Variants in MTMR2 observed in about 807,000 individuals in gnomAD.
MTMR2 encodes the protein phosphatidylinositol-3,5-bisphosphate 3-phosphatase MTMR2.
Under a neutral mutation model 86.9 loss-of-function variants are expected in MTMR2, and 55 were observed. That is an observed-to-expected ratio of 0.63 (90% CI 0.51 to 0.79). The LOEUF (loss-of-function observed/expected upper bound fraction) is 0.79, where lower values mean the gene tolerates loss of function less well. Ranked by LOEUF, MTMR2 falls within the 30% of genes least tolerant of loss-of-function variation. The pLI is 0.00. For synonymous variants in MTMR2, 241 were observed against 266.8 expected (o/e 0.90, Z 0.94); for missense variants, 659 against 772.3 (o/e 0.85, Z 1.74).
At chr11:95,905,328 T>TGG (rs1866218607) in intron 1 of MTMR2, among the ~76,000 whole-genome samples, 1 of 47,796 alleles carries the variant, frequency 2.1e-5, no homozygotes, top group East Asian at 6.4e-4. Context: ...CGCACGCACC[T>TGG]GCGCACACAC....
At position 95,845,118 on chromosome 11, in the gene MTMR2, C is replaced by G. The variant is rs972571750; in HGVS notation, c.1221G>C (p.Glu407Asp). 3 of 1,613,844 alleles carry G rather than the reference C, an allele frequency of 1.9e-6. No individual in the cohort carries two copies. In the African/African-American group the frequency reaches 4.0e-5, roughly 22 times the overall value. ...AGALRIADKV[E>D]SGKTSVVVHC... ...GCACTACCACAGACGTCTTCCCTGA[C>G]TCTACCTTGTCAGCAATCCTAAGAG... The change falls in exon 11 of 15, where the codon GAG becomes GAC. Residue 407 changes from glutamate to aspartate, a missense_variant. Physicochemically the swap from Glu to Asp is conservative, Grantham distance 45. Coordinates refer to ENST00000346299, the MANE Select transcript of MTMR2 (RefSeq NM_016156.6).
intron 2 of MTMR2, among the ~76,000 whole-genome samples, chr11:95,874,831 A>T (rs1416365093): frequency 1.3e-5 from 2 of 151,964 alleles, no homozygotes; most frequent in African/African-American, 2.4e-5. Flanking sequence ...TCTGTAAAGG[A>T]TTTTATTTCT....
At chr11:95,872,801 G>T (rs1287943648) in intron 2 of MTMR2, among the ~76,000 whole-genome samples, 1 of 152,020 alleles carries the variant, frequency 6.6e-6, no homozygotes, top group Non-Finnish European at 1.5e-5. Context: ...AATACCTAAT[G>T]TATTGAGAGT....
At chr11:95,842,842 TA>T (rs907639499) in intron 11 of MTMR2, among the ~76,000 whole-genome samples, 3 of 152,070 alleles carry the variant, frequency 2.0e-5, no homozygotes, top group Admixed American at 1.3e-4. Context: ...ACAGTTAAAT[TA>T]AAGAAAAAAA....
chr11:95,846,666 C>G (rs538144691), intron 10 of MTMR2, among the ~76,000 whole-genome samples: 3 of 152,218 alleles, frequency 2.0e-5, no homozygotes, highest in Non-Finnish European at 4.4e-5. Flanking sequence ...TTATAGCCAG[C>G]CTTTTAGAGA....
At chr11:95,881,123 T>A (rs569581388) in intron 2 of MTMR2, among the ~76,000 whole-genome samples, 1 of 151,596 alleles carries the variant, frequency 6.6e-6, no homozygotes, top group South Asian at 2.1e-4. Flanking sequence ...AGTTAGAAAT[T>A]CAACCTTTTT....
rs1204046416 is a variant in MTMR2, at chr11:95,849,763, A to G, written c.904T>C (p.Tyr302His). 1.2e-6 allele frequency: 2 copies of G among 1,613,908 alleles called. No individual in the cohort carries two copies. Among genetic ancestry groups the G allele is most frequent in the Non-Finnish European group, 1.7e-6 (2 of 1,179,966 alleles). ...TTGGAATCCATGATAGCTTGAAGGT[A>G]TTTTTCATCTTCTTTGCTTCGCTTT... Reference protein sequence around the residue: ...SGKRSKEDEKYLQAIMDSNAQ... With the variant: ...SGKRSKEDEKHLQAIMDSNAQ... Residue 302 changes from tyrosine (Y) to histidine (H), a missense_variant, in exon 9 of 15, where the codon TAC becomes CAC. By Grantham distance (83) the Tyr-to-His change is moderately conservative (BLOSUM62 2). Around this residue, in one of 3 missense-constraint regions of MTMR2, gnomAD observed 387 missense variants for 526.3 expected, o/e 0.74. Transcript: ENST00000346299.
chr11:95,891,713 T>C (rs1865720330), intron 1 of MTMR2, among the ~76,000 whole-genome samples: 1 of 152,186 alleles, frequency 6.6e-6, no homozygotes, highest in Non-Finnish European at 1.5e-5. Flanking sequence ...TATTTCTGTA[T>C]AACCAGTCTA....
intron 7 of MTMR2, among the ~76,000 whole-genome samples, chr11:95,856,808 T>C (rs1382304810): frequency 1.3e-5 from 2 of 152,156 alleles, no homozygotes; most frequent in East Asian, 1.9e-4. Flanking sequence ...CAAAGAGTAG[T>C]CCTCATTTTT....
intron 1 of MTMR2, among the ~76,000 whole-genome samples, chr11:95,899,816 G>A (rs1453896897): frequency 6.6e-6 from 1 of 152,060 alleles, no homozygotes; most frequent in African/African-American, 2.4e-5. Flanking sequence ...AGATCATTTG[G>A]GGAAACCTAT....
rs1224393213 is a variant in MTMR2 at position 95,835,012 on chromosome 11, A to AGAAACTTGTTCCCACTGTG, written c.*259_*277dup. On this transcript the variant is annotated 3_prime_UTR_variant, in exon 15 of 15. Coordinates refer to ENST00000346299, the MANE Select transcript of MTMR2 (RefSeq NM_016156.6). Reference sequence around the variant, plus strand: ...TTTGTAACAGCATTTGCCTTTTAATAGAAACTTGTTCCCACTGTGAATCCA... The same window carrying AGAAACTTGTTCCCACTGTG: ...TTTGTAACAGCATTTGCCTTTTAATAGAAACTTGTTCCCACTGTGGAAACTTGTTCCCACTGTGAATCCA... 7.0e-5 allele frequency: 29 copies of AGAAACTTGTTCCCACTGTG among 411,674 alleles called. No individual in the cohort carries two copies. Among genetic ancestry groups the AGAAACTTGTTCCCACTGTG allele is most frequent in the Non-Finnish European group, 1.0e-4 (23 of 222,160 alleles). The allele number at this position is 411,674 out of a possible 1,614,324, so 25.5% of individuals were successfully genotyped here.
At chr11:95,839,879 A>G (rs1863464715) in intron 12 of MTMR2, 1 of 152,200 alleles carries the variant, frequency 6.6e-6, no homozygotes, top group African/African-American at 2.4e-5. Flanking sequence ...AGATGGCTAC[A>G]AAGTATTTTA....
intron 1 of MTMR2, among the ~76,000 whole-genome samples, chr11:95,889,750 A>G (rs1310771227): frequency 1.3e-5 from 2 of 152,226 alleles, no homozygotes; most frequent in African/African-American, 4.8e-5. Context: ...CTGTGACAAT[A>G]TGCCACAAAT....
intron 2 of MTMR2, among the ~76,000 whole-genome samples, chr11:95,875,918 A>G (rs1865092231): frequency 6.6e-6 from 1 of 152,138 alleles, no homozygotes; most frequent in South Asian, 2.1e-4. Flanking sequence ...AACAGTAGAT[A>G]TTGGTGAACA....
At chr11:95,864,797 T>G (rs936479961) in intron 3 of MTMR2, among the ~76,000 whole-genome samples, 25 of 152,180 alleles carry the variant, frequency 1.6e-4, no homozygotes, top group African/African-American at 6.0e-4. Flanking sequence ...AGGTCCTGCC[T>G]TTGGCTTGTT....
intron 1 of MTMR2, among the ~76,000 whole-genome samples, chr11:95,904,760 T>C (rs1372383086): frequency 6.6e-6 from 1 of 152,202 alleles, no homozygotes; most frequent in African/African-American, 2.4e-5. Context: ...TTTATTCCTT[T>C]ACTTAATAAA....
Position 95,882,816 on chromosome 11 carries a change from G to A in MTMR2, c.186+5340C>T, listed in dbSNP as rs12797236. The stretch of plus-strand genomic sequence containing the variant: ...TGGCTCACTGCCAGCTCCGCCTCCC[G>A]GGTTCACGCCATTTTCCTGCCTCAG... On this transcript the variant is annotated intron_variant, in intron 2 of 14. Transcript: ENST00000346299. 6.7e-3 allele frequency among the ~76,000 whole-genome samples: 989 copies of A among 147,678 alleles called. 4 individuals carry two copies. Among genetic ancestry groups the A allele is most frequent in the Non-Finnish European group, 9.8e-3 (657 of 67,254 alleles).
intron 2 of MTMR2, among the ~76,000 whole-genome samples, chr11:95,881,466 A>G (rs1425640930): frequency 1.1e-5 from 1 of 92,598 alleles, no homozygotes; most frequent in African/African-American, 9.1e-5. Context: ...TTACACCTCC[A>G]GACTATTGAT....
chr11:95,840,507 TCCCAACACA>T (rs1274555133), intron 12 of MTMR2, among the ~76,000 whole-genome samples: 1 of 152,068 alleles, frequency 6.6e-6, no homozygotes, highest in African/African-American at 2.4e-5. Context: ...TCCTCTTACC[TCCCAACACA>T]CCAAAGGTCT....
Sources: gnomAD v4.1 joint callset for allele counts (sites outside exome capture counted in the v4.1 genomes callset) on GRCh38, gnomAD v4.1.1 for gene constraint, gnomAD v4.1.1 regional missense constraint, MANE v1.5 for transcripts, NCBI Gene and HGNC (gene_info 2026-07-23, HGNC 2026-07-21) for gene names.